Variants in UACA observed in about 807,000 individuals in gnomAD.
The protein encoded by UACA is uveal autoantigen with coiled-coil domains and ankyrin repeats, also known as nuclear membrane binding protein.
UACA carries 112 observed loss-of-function variants against 160.5 expected under a neutral mutation model. That is an observed-to-expected ratio of 0.70 (90% CI 0.60 to 0.82). The LOEUF is 0.82. Ranked by LOEUF, UACA falls within the 40% of genes least tolerant of loss-of-function variation. The probability of loss-of-function intolerance (pLI) is 0.00; values close to 1 mark genes in which losing one functional copy is unlikely to be tolerated. For missense variants in UACA, 1,574 were observed against 1,614.6 expected, an observed-to-expected ratio of 0.97 and a Z score of 0.43; for synonymous variants, 557 against 568.4, an observed-to-expected ratio of 0.98 and a Z score of 0.29.
the UACA span, among the ~76,000 whole-genome samples, chr15:70,777,589 A>G: frequency 6.6e-6 from 1 of 152,238 alleles, no homozygotes; most frequent in Non-Finnish European, 1.5e-5. Context: ...AGTAAAGTAT[A>G]TCAAGGAAGA....
the UACA span, among the ~76,000 whole-genome samples, chr15:70,769,385 T>C: frequency 3.3e-5 from 5 of 149,798 alleles, no homozygotes; most frequent in South Asian, 2.1e-4. Context: ...TCAAATGTAC[T>C]TGGGAAATGA....
chr15:70,662,217 A>G (rs1306635560), intron 17 of UACA, among the ~76,000 whole-genome samples: 1 of 152,176 alleles, frequency 6.6e-6, no homozygotes, highest in African/African-American at 2.4e-5. Flanking sequence ...TACACCAATA[A>G]CAGACAAACA....
chr15:70,761,585 T>G (rs918343415), intron 1 of UACA, among the ~76,000 whole-genome samples: 85 of 152,346 alleles, frequency 5.6e-4, no homozygotes, highest in African/African-American at 2.0e-3. Flanking sequence ...TTTACAGAAT[T>G]CATTCTAAGT....
chr15:70,659,407 T>G (rs1050321374), intron 18 of UACA, among the ~76,000 whole-genome samples: 2 of 125,930 alleles, frequency 1.6e-5, no homozygotes, highest in African/African-American at 3.0e-5. Context: ...TTTTTTTTTT[T>G]TTTTTTTTTT....
rs970759603 is a variant in UACA at position 70,763,367 on chromosome 15, G to C, written c.41C>G (p.Pro14Arg). The C allele has an allele frequency of 4.5e-6, 6 of 1,337,140 alleles. No individual in the cohort carries two copies. Among genetic ancestry groups the C allele is most frequent in the Non-Finnish European group, 5.8e-6 (6 of 1,038,734 alleles). The allele number at this position is 1,337,140 out of a possible 1,614,324, so 82.8% of individuals were successfully genotyped here. Residue 14 changes from proline (P) to arginine (R), a missense_variant, in exon 1 of 19, where the codon CCC becomes CGC. Pro to Arg is a moderately radical substitution (Grantham distance 103). Transcript: ENST00000322954. The stretch of plus-strand genomic sequence containing the variant: ...GGCGGCGCCAGACGACGCGGGGCCG[G>C]GCACGTCCTGCCTCCTCAGGCGGGA... ...LKSRLRRQDVPGPASSGAAAA... is the reference protein window; with the variant it reads ...LKSRLRRQDVRGPASSGAAAA...
chr15:70,770,366 A>T, the UACA span, among the ~76,000 whole-genome samples: 1 of 152,190 alleles, frequency 6.6e-6, no homozygotes, highest in Admixed American at 6.5e-5. Flanking sequence ...TTAATAGCAT[A>T]TTTTATTCAA....
intron 17 of UACA, among the ~76,000 whole-genome samples, chr15:70,663,064 A>T (rs900264919): frequency 1.3e-5 from 2 of 152,208 alleles, no homozygotes; most frequent in African/African-American, 4.8e-5. Context: ...CTACCATCAG[A>T]GTGAACAGGC....
intron 8 of UACA, among the ~76,000 whole-genome samples, chr15:70,683,852 T>C (rs948057177): frequency 1.4e-5 from 2 of 143,164 alleles, no homozygotes; most frequent in African/African-American, 2.5e-5. Flanking sequence ...AAAAAAAACA[T>C]AAAAAATCAT....
intron 1 of UACA, among the ~76,000 whole-genome samples, chr15:70,707,650 A>G (rs543587480): frequency 3.9e-5 from 6 of 152,354 alleles, no homozygotes; most frequent in Admixed American, 2.0e-4. Context: ...CAAATAGCCA[A>G]CAGGCATAAA....
chr15:70,676,575 G>A lies in UACA; in HGVS notation c.1049C>T (p.Ser350Phe), dbSNP rs1383103981. ...DLESEREKLKSLLAAKEKQHE... is the reference protein window; with the variant it reads ...DLESEREKLKFLLAAKEKQHE... ...TTGCTTTTCTTTAGCTGCCAAAAGGGACTTCAGCTTTTCTCTCTGAAATGA... is the reference window on the plus strand; with the variant it reads ...TTGCTTTTCTTTAGCTGCCAAAAGGAACTTCAGCTTTTCTCTCTGAAATGA... Residue 350 changes from serine (S) to phenylalanine (F), a missense_variant, in exon 13 of 19, where the codon TCC becomes TTC. Coordinates refer to ENST00000322954, the MANE Select transcript of UACA (RefSeq NM_018003.4). The A allele has an allele frequency of 1.2e-6, 2 of 1,612,164 alleles. No homozygotes were observed. The highest frequency in any genetic ancestry group is 1.7e-6 in the Non-Finnish European group (2 of 1,179,432).
At chr15:70,694,314 T>TGATGTACAAACCTTC in intron 3 of UACA, among the ~76,000 whole-genome samples, 1 of 152,192 alleles carries the variant, frequency 6.6e-6, no homozygotes, top group Non-Finnish European at 1.5e-5. Flanking sequence ...TACAAACCTT[T>TGATGTACAAACCTTC]GTTGTAAGAT....
In UACA at chr15:70,687,570, G is replaced by A. The variant is rs775017793; in HGVS notation, c.572C>T (p.Ala191Val). 1.4e-5 allele frequency: 23 copies of A among 1,613,746 alleles called. No homozygotes were observed. Among genetic ancestry groups the A allele is most frequent in the Non-Finnish European group, 1.9e-5 (22 of 1,179,786 alleles). Residue 191 changes from alanine to valine, a missense_variant, in exon 7 of 19, where the codon GCG becomes GTG. By Grantham distance (64) the Ala-to-Val change is moderately conservative. Transcript: ENST00000322954. ...TTGTTTGTCTCTGGAATTAACATCC[G>A]CTCCTCTATCTATCAGCAGTTGACA... ...TICQLLIDRG[A>V]DVNSRDKQNR...
chr15:70,760,897 T>C (rs1349205027), intron 1 of UACA, among the ~76,000 whole-genome samples: 1 of 152,142 alleles, frequency 6.6e-6, no homozygotes, highest in African/African-American at 2.4e-5. Flanking sequence ...TGAACAGACT[T>C]CTATTAAAAG....
intron 10 of UACA, among the ~76,000 whole-genome samples, chr15:70,678,872 G>GA (rs1006911934): frequency 1.3e-5 from 2 of 151,760 alleles, no homozygotes; most frequent in African/African-American, 4.8e-5. Flanking sequence ...AATACTTTAA[G>GA]AAAAAAATCA....
At position 70,657,002 on chromosome 15, in the gene UACA, A is replaced by G. The variant is rs1731007867; in HGVS notation, c.*54T>C. 5 of 1,461,848 alleles carry G rather than the reference A, an allele frequency of 3.4e-6. No homozygotes were observed. The highest frequency in any genetic ancestry group is 1.4e-5 in the African/African-American group (1 of 71,920). The allele number at this position is 1,461,848 out of a possible 1,614,324, so 90.6% of individuals were successfully genotyped here. On this transcript the variant is annotated 3_prime_UTR_variant, in exon 19 of 19. Coordinates refer to ENST00000322954, the MANE Select transcript of UACA (RefSeq NM_018003.4). ...CCCAGAAAGACCATGGAGTTGCACA[A>G]AGAATGTTCAGCACCAGCAAGATAA...
intron 1 of UACA, among the ~76,000 whole-genome samples, chr15:70,749,654 GCAC>G (rs1385716912): frequency 2.2e-5 from 3 of 134,624 alleles, no homozygotes; most frequent in African/African-American, 8.7e-5. Context: ...AGCAGAGATC[GCAC>G]CACTGCACTC....
At chr15:70,738,841 C>T (rs1298351129) in intron 1 of UACA, among the ~76,000 whole-genome samples, 1 of 152,188 alleles carries the variant, frequency 6.6e-6, no homozygotes, top group Non-Finnish European at 1.5e-5. Flanking sequence ...TTCTGCTGGG[C>T]TGGGCCAGGT....
At chr15:70,683,240 T>A (rs1174121011) in intron 8 of UACA, among the ~76,000 whole-genome samples, 1 of 151,982 alleles carries the variant, frequency 6.6e-6, no homozygotes. Context: ...ATGCCTGTAG[T>A]CCCAGCTACT....
chr15:70,726,891 G>A (rs1296981956), intron 1 of UACA, among the ~76,000 whole-genome samples: 1 of 152,128 alleles, frequency 6.6e-6, no homozygotes, highest in Non-Finnish European at 1.5e-5. Flanking sequence ...AGGAGCTAGA[G>A]GGTGGCCTGG....
Sources: allele counts gnomAD v4.1 joint callset (sites outside exome capture counted in the v4.1 genomes callset), GRCh38; gene constraint gnomAD v4.1.1; transcripts MANE v1.5; gene names NCBI Gene and HGNC (gene_info 2026-07-23, HGNC 2026-07-21).